Variants in PSPC1 observed in about 807,000 individuals in gnomAD.
PSPC1 encodes the protein paraspeckle protein 1.
PSPC1 carries 14 observed loss-of-function variants against 51.6 expected under a neutral mutation model. That is an observed-to-expected ratio of 0.27 (90% CI 0.18 to 0.42). PSPC1 has a LOEUF of 0.42. Among genes scored for constraint, PSPC1 ranks in the 10% least tolerant of loss-of-function variants. The pLI, the probability that PSPC1 is intolerant of heterozygous loss-of-function variation, is 1.00. For missense variants in PSPC1, 406 were observed against 701.1 expected (o/e 0.58, Z 4.75); for synonymous variants, 193 against 231.9 (o/e 0.83, Z 1.53).
chr13:19,754,129 G>C (rs374832945), intron 3 of PSPC1, among the ~76,000 whole-genome samples: 14 of 151,768 alleles, frequency 9.2e-5, no homozygotes, highest in East Asian at 5.8e-4. Context: ...TTGTAGCCCA[G>C]GCTGGAATGC....
At chr13:19,720,697 T>C (rs76187988) in intron 6 of PSPC1, among the ~76,000 whole-genome samples, 2,114 of 152,132 alleles carry the variant, frequency 0.014, 30 homozygotes, top group Middle Eastern at 0.048. Context: ...AAATCATATA[T>C]AGAAAAAACA....
chr13:19,775,794 T>C (rs1889054665), intron 1 of PSPC1, among the ~76,000 whole-genome samples: 1 of 152,198 alleles, frequency 6.6e-6, no homozygotes, highest in Admixed American at 6.5e-5. Context: ...CTCACGCCTG[T>C]AATCCCAACA....
chr13:19,699,888 C>T (rs984742086), downstream of PSPC1, among the ~76,000 whole-genome samples: 2 of 151,978 alleles, frequency 1.3e-5, no homozygotes, highest in Admixed American at 6.6e-5. Flanking sequence ...TATTTTAACA[C>T]ATTAGATGTT....
intron 7 of PSPC1, among the ~76,000 whole-genome samples, chr13:19,677,301 G>C (rs537276911): frequency 4.6e-5 from 7 of 151,774 alleles, no homozygotes; most frequent in African/African-American, 1.7e-4. Context: ...TAGGTTTGGA[G>C]GTCATTAAAA....
chr13:19,772,549 T>C lies in PSPC1; in HGVS notation c.373-6A>G, dbSNP rs752911035. On this transcript the variant is annotated splice_polypyrimidine_tract_variant and splice_region_variant and intron_variant, in intron 1 of 8. Transcript: ENST00000338910. ...TCAGCCAGGGTTCTGGATTCCTTTT[T>C]AGGAAGAAAAAACATTTTTAAAAGA... 12 of 1,565,592 alleles carry C rather than the reference T, an allele frequency of 7.7e-6. No individual in the cohort carries two copies. In the African/African-American group the frequency reaches 9.6e-5, roughly 13 times the overall value.
At chr13:19,748,806 T>C (rs1482482822) in intron 4 of PSPC1, among the ~76,000 whole-genome samples, 1 of 148,642 alleles carries the variant, frequency 6.7e-6, no homozygotes, top group Admixed American at 6.9e-5. Context: ...ACAATTCATA[T>C]TGAACAGAAG....
chr13:19,747,693 A>C (rs1886136970), intron 4 of PSPC1, among the ~76,000 whole-genome samples: 1 of 152,192 alleles, frequency 6.6e-6, no homozygotes. Context: ...ACATCTAATG[A>C]CATATGCAAA....
At chr13:19,743,946 A>G (rs1885691786) in intron 4 of PSPC1, among the ~76,000 whole-genome samples, 2 of 152,128 alleles carry the variant, frequency 1.3e-5, no homozygotes, top group East Asian at 1.9e-4. Flanking sequence ...CGTCTCTACT[A>G]AAAACACAAA....
intron 1 of PSPC1, among the ~76,000 whole-genome samples, chr13:19,776,029 T>C (rs1889086136): frequency 6.6e-6 from 1 of 151,220 alleles, no homozygotes; most frequent in African/African-American, 2.4e-5. Flanking sequence ...CCAGCATGGG[T>C]GACAGAGCAA....
chr13:19,724,997 CAAAAAT>C (rs555308009), intron 6 of PSPC1, among the ~76,000 whole-genome samples: 10 of 151,236 alleles, frequency 6.6e-5, no homozygotes, highest in East Asian at 5.8e-4. Context: ...GACTCCGTCT[CAAAAAT>C]AAAAATAAAA....
At chr13:19,732,564 A>T (rs1054594021) in intron 5 of PSPC1, among the ~76,000 whole-genome samples, 1 of 152,208 alleles carries the variant, frequency 6.6e-6, no homozygotes, top group Non-Finnish European at 1.5e-5. Context: ...GGTTTCACAT[A>T]ACAGGAGTTC....
chr13:19,747,014 AG>A (rs1286942999), intron 4 of PSPC1, among the ~76,000 whole-genome samples: 1 of 152,184 alleles, frequency 6.6e-6, no homozygotes, highest in African/African-American at 2.4e-5. Context: ...AGGCTGAGGC[AG>A]GAGACTCGCT....
At chr13:19,688,391 A>G (rs1878175721) in intron 6 of PSPC1, among the ~76,000 whole-genome samples, 1 of 152,136 alleles carries the variant, frequency 6.6e-6, no homozygotes, top group African/African-American at 2.4e-5. Flanking sequence ...TGAGAACAAG[A>G]TTCCAACACT....
At chr13:19,750,059 C>T (rs2138115221) in intron 4 of PSPC1, among the ~76,000 whole-genome samples, 1 of 152,242 alleles carries the variant, frequency 6.6e-6, no homozygotes, top group South Asian at 2.1e-4. Context: ...AAAACCTACA[C>T]TTCATTCTAA....
At chr13:19,775,112 G>C (rs1888982030) in intron 1 of PSPC1, among the ~76,000 whole-genome samples, 2 of 152,062 alleles carry the variant, frequency 1.3e-5, no homozygotes, top group Admixed American at 1.3e-4. Context: ...GCCGAGGCGG[G>C]CAGATCACGA....
intron 6 of PSPC1, among the ~76,000 whole-genome samples, chr13:19,697,449 G>C (rs1236944868): frequency 1.3e-5 from 2 of 152,174 alleles, no homozygotes; most frequent in Non-Finnish European, 2.9e-5. Context: ...GATACATGCT[G>C]TTACAATGAA....
intron 3 of PSPC1, among the ~76,000 whole-genome samples, chr13:19,752,053 G>A (rs758333917): frequency 3.9e-5 from 6 of 151,974 alleles, no homozygotes; most frequent in Non-Finnish European, 7.4e-5. Context: ...GCGAGACTCC[G>A]TCCCAAAAAA....
At chr13:19,692,656 C>T (rs1231732334) in intron 6 of PSPC1, among the ~76,000 whole-genome samples, 1 of 152,140 alleles carries the variant, frequency 6.6e-6, no homozygotes, top group Non-Finnish European at 1.5e-5. Flanking sequence ...CCTCTAGCAG[C>T]TACATCAATC....
chr13:19,774,422 T>A (rs1218435566), intron 1 of PSPC1, among the ~76,000 whole-genome samples: 2 of 152,214 alleles, frequency 1.3e-5, no homozygotes, highest in Non-Finnish European at 2.9e-5. Flanking sequence ...ACCTATAGAA[T>A]TATTTTTACA....
Sources: allele counts gnomAD v4.1 joint callset (sites outside exome capture counted in the v4.1 genomes callset), GRCh38; gene constraint gnomAD v4.1.1; transcripts MANE v1.5; gene names NCBI Gene and HGNC (gene_info 2026-07-23, HGNC 2026-07-21).